Variants in COL12A1 observed in about 807,000 individuals in gnomAD.
COL12A1 encodes collagen type XII alpha 1 chain.
Under a neutral mutation model 349.7 loss-of-function variants are expected in COL12A1, and 114 were observed. The ratio of observed to expected loss-of-function variants is 0.33; its 90% CI spans 0.28 to 0.38. The LOEUF is 0.38. Among genes scored for constraint, COL12A1 ranks in the 10% least tolerant of loss-of-function variants. The probability of loss-of-function intolerance (pLI) is 1.00; values close to 1 mark genes in which losing one functional copy is unlikely to be tolerated. For missense variants in COL12A1, 3,284 were observed against 3,756.9 expected (o/e 0.87, Z 3.29); for synonymous variants, 1,369 against 1,329.0 (o/e 1.03, Z -0.66).
intron 43 of COL12A1, 59 bp downstream of exon 43, chr6:75,123,271 A>C (rs1290183111): frequency 6.5e-6 from 9 of 1,375,374 alleles, no homozygotes; most frequent in Non-Finnish European, 8.2e-6. Flanking sequence ...CATGCAGCGT[A>C]AATAAGAAGT....
chr6:75,134,899 C>A, intron 31 of COL12A1, 44 bp from the exon 32 acceptor site: 1 of 1,582,406 alleles, frequency 6.3e-7, no homozygotes, highest in Non-Finnish European at 8.6e-7. Context: ...TTGCTCTCTC[C>A]ATCTCACTAA....
Position 75,198,853 on chromosome 6 carries a change from T to A in COL12A1, c.73+3867A>T, listed in dbSNP as rs563766199. ...ATATCTTGATGAACTACTAAGATCT[T>A]TAGTTTGATATCTGTGATAACAACA... On this transcript the variant is annotated intron_variant, in intron 2 of 65. Coordinates refer to ENST00000322507, the MANE Select transcript of COL12A1 (RefSeq NM_004370.6). Among the ~76,000 whole-genome samples the A allele has an allele frequency of 7.2e-5, 11 of 152,340 alleles. No homozygotes were observed. The South Asian group carries it at 2.3e-3, about 32-fold the overall frequency.
At chr6:75,197,394 C>T (rs1770285939) in intron 2 of COL12A1, among the ~76,000 whole-genome samples, 1 of 151,116 alleles carries the variant, frequency 6.6e-6, no homozygotes, top group Non-Finnish European at 1.5e-5. Context: ...CTCACTGCAA[C>T]CTCAGCCTCC....
chr6:75,147,947 G>A lies in COL12A1; in HGVS notation c.4288-143C>T, dbSNP rs1767285699. ...TGTCTTTTGTATTTGGAAACTATCA[G>A]ATTACAATGAGATCTTGGACAATTC... On this transcript the variant is annotated intron_variant, in intron 22 of 65. Transcript: ENST00000322507. 4.5e-6 allele frequency: 4 copies of A among 888,354 alleles called. No homozygotes were observed. In the African/African-American group the frequency reaches 6.9e-5, roughly 15 times the overall value. 55.0% of individuals were successfully genotyped at this position (888,354 alleles called of 1,614,324 possible).
chr6:75,163,019 C>T (rs2149435035), intron 14 of COL12A1, among the ~76,000 whole-genome samples: 1 of 152,230 alleles, frequency 6.6e-6, no homozygotes, highest in East Asian at 1.9e-4. Flanking sequence ...ACAACAGATG[C>T]TGGAGAGGAT....
At chr6:75,089,894 G>A (rs746456959) in intron 63 of COL12A1, among the ~76,000 whole-genome samples, 17 of 152,056 alleles carry the variant, frequency 1.1e-4, no homozygotes, top group Non-Finnish European at 2.2e-4. Flanking sequence ...TCAGAAAATA[G>A]CATTATCTTT....
At chr6:75,116,482 T>G (rs572926369) in intron 47 of COL12A1, among the ~76,000 whole-genome samples, 1 of 152,172 alleles carries the variant, frequency 6.6e-6, no homozygotes, top group South Asian at 2.1e-4. Context: ...CATGTAACAG[T>G]AACAAGTGTG....
chr6:75,150,742 A>C (rs1240197550), intron 21 of COL12A1, among the ~76,000 whole-genome samples: 2 of 152,266 alleles, frequency 1.3e-5, no homozygotes, highest in East Asian at 3.9e-4. Context: ...AAAAGAAAGC[A>C]TCTCTCCTTC....
chr6:75,109,371 C>T (rs749736403), intron 51 of COL12A1, among the ~76,000 whole-genome samples: 9 of 152,128 alleles, frequency 5.9e-5, no homozygotes, highest in Non-Finnish European at 1.2e-4. Context: ...CACTTAACCT[C>T]TGGTCTCAGT....
In COL12A1 at chr6:75,138,569, A is replaced by G. The variant is rs769873944; in HGVS notation, c.5109T>C (p.Asn1703=). The G allele has an allele frequency of 2.5e-6, 4 of 1,613,706 alleles. No individual in the cohort carries two copies. The highest frequency in any genetic ancestry group is 1.3e-5 in the African/African-American group (1 of 75,026). ...GSSDKMETIL[N]GDENTLVFEN... is the part of the protein sequence containing the mutation. ...CGAACACCAAAGTGTTTTCATCTCC[A>G]TTTAAGATGGTCTTGGAGAAAGAGG... Residue 1703 remains asparagine (N), a synonymous_variant, in exon 29 of 66, where the codon AAT becomes AAC. Transcript: ENST00000322507.
intron 14 of COL12A1, among the ~76,000 whole-genome samples, chr6:75,164,903 G>C (rs114711896): frequency 6.6e-6 from 1 of 151,704 alleles, no homozygotes; most frequent in Non-Finnish European, 1.5e-5. Context: ...GTGGGCTTTT[G>C]ATTTGACCTT....
intron 60 of COL12A1, among the ~76,000 whole-genome samples, chr6:75,093,382 T>G (rs1019419657): frequency 1.3e-5 from 2 of 152,204 alleles, no homozygotes; most frequent in African/African-American, 2.4e-5. Flanking sequence ...TATCAACTGA[T>G]TATAATAGCT....
intron 38 of COL12A1, among the ~76,000 whole-genome samples, chr6:75,127,379 G>T (rs892683640): frequency 1.3e-5 from 2 of 152,212 alleles, no homozygotes. Flanking sequence ...TTTTCCCTTA[G>T]GAGCTTTCAA....
rs73462055 is a variant in COL12A1 at position 75,084,993 on chromosome 6, G to A, written c.*1554C>T. ...TTTTGCAAGCATTTCAAGGGCAAAG[G>A]CAAAAATGTCTACAGACTGCGTGCT... On this transcript the variant is annotated 3_prime_UTR_variant, in exon 66 of 66. Coordinates refer to ENST00000322507, the MANE Select transcript of COL12A1 (RefSeq NM_004370.6). 0.015 allele frequency: 4,485 copies of A among 295,584 alleles called. 169 individuals are homozygous for A. Among genetic ancestry groups the A allele is most frequent in the African/African-American group, 0.087 (4,014 of 46,070 alleles). The allele number at this position is 295,584 out of a possible 1,614,324, so 18.3% of individuals were successfully genotyped here.
chr6:75,121,578 TG>T lies in COL12A1; in HGVS notation c.6947-138del, dbSNP rs1765733991. The stretch of plus-strand genomic sequence containing the variant: ...GCAGCAACAGCACTGCCTGGGAGCT[TG>T]TTAGAAATGCAGAATCTTGGGTCCT... On this transcript the variant is annotated intron_variant, in intron 43 of 65. Coordinates refer to ENST00000322507, the MANE Select transcript of COL12A1 (RefSeq NM_004370.6). The T allele has an allele frequency of 2.9e-6, 3 of 1,024,108 alleles. No homozygotes were observed. The East Asian group carries it at 8.1e-5, about 28-fold the overall frequency. The allele number at this position is 1,024,108 out of a possible 1,614,324, so 63.4% of individuals were successfully genotyped here. A position where few individuals can be genotyped will look rare whatever the true frequency, so the allele number is the denominator to read the frequency against.
chr6:75,155,981 T>C (rs1767738538), intron 15 of COL12A1, 127 bp from the exon 16 acceptor site: 2 of 1,026,684 alleles, frequency 1.9e-6, no homozygotes, highest in East Asian at 2.6e-5. Flanking sequence ...AAATAGCATG[T>C]TCCATAGAAG....
chr6:75,090,053 A>T lies in COL12A1; in HGVS notation c.8941+57T>A, dbSNP rs1767681134. 24 of 1,589,594 alleles carry T rather than the reference A, an allele frequency of 1.5e-5. 1 individual carries two copies. The South Asian group carries it at 2.5e-4, about 16-fold the overall frequency. On this transcript the variant is annotated intron_variant, in intron 63 of 65. Coordinates refer to ENST00000322507, the MANE Select transcript of COL12A1 (RefSeq NM_004370.6). This position sits in a 1 kb window ranked among gnomAD's most constrained non-coding sequence, Gnocchi z 4.1. ...TTTCAGATGCCTTCAACCTGTCCCAACTCCTACATTTGCAAATTCCTTCCT... is the reference window on the plus strand; with the variant it reads ...TTTCAGATGCCTTCAACCTGTCCCATCTCCTACATTTGCAAATTCCTTCCT...
Position 75,125,275 on chromosome 6 carries a change from T to C in COL12A1, c.6461-2A>G. The C allele has an allele frequency of 6.3e-7, 1 of 1,592,684 alleles. No individual in the cohort carries two copies. The highest frequency in any genetic ancestry group is 1.2e-5 in the South Asian group (1 of 86,474). ...AGGCTTCCATGGGCTCATTGGAACCTTTATTAACAACCACAAAAATACACA... is the reference window on the plus strand; with the variant it reads ...AGGCTTCCATGGGCTCATTGGAACCCTTATTAACAACCACAAAAATACACA... On this transcript the variant is annotated splice_acceptor_variant, in intron 39 of 65. Coordinates refer to ENST00000322507, the MANE Select transcript of COL12A1 (RefSeq NM_004370.6). LOFTEE classifies it high-confidence loss of function.
At chr6:75,087,798 C>T in intron 64 of COL12A1, 51 bp from the exon 65 acceptor site, 2 of 1,572,926 alleles carry the variant, frequency 1.3e-6, no homozygotes, top group Non-Finnish European at 1.7e-6. Context: ...AATACAACTC[C>T]TGAGGTAGCC....
Sources: gnomAD v4.1 joint callset for allele counts (sites outside exome capture counted in the v4.1 genomes callset) on GRCh38, gnomAD v4.1.1 for gene constraint, Gnocchi (gnomAD v3.1) non-coding constraint, MANE v1.5 for transcripts, NCBI Gene and HGNC (gene_info 2026-07-23, HGNC 2026-07-21) for gene names.